The following MSRB3 variants were observed in gnomAD, a reference collection of about 807,000 sequenced individuals.
MSRB3 encodes the protein methionine sulfoxide reductase B3, also known as methionine-R-sulfoxide reductase B3.
MSRB3 carries 13 observed loss-of-function variants against 21.0 expected under a neutral mutation model. The ratio of observed to expected loss-of-function variants is 0.62; its 90% CI spans 0.40 to 0.98. MSRB3 has a LOEUF of 0.98. MSRB3 is among the 50% of genes least tolerant of loss of function. MSRB3 has a pLI of 0.00. For missense variants in MSRB3, 199 were observed against 230.3 expected (o/e 0.86, Z 0.88); for synonymous variants, 87 against 88.6 (o/e 0.98, Z 0.10).
intron 5 of MSRB3, among the ~76,000 whole-genome samples, chr12:65,403,445 C>T (rs1880241157): frequency 1.3e-5 from 2 of 152,108 alleles, no homozygotes; most frequent in Non-Finnish European, 2.9e-5. Flanking sequence ...TAATGGTGGA[C>T]GCCCCTCCCC....
intron 1 of MSRB3, among the ~76,000 whole-genome samples, chr12:65,294,649 A>G (rs1872848848): frequency 6.6e-6 from 1 of 152,102 alleles, no homozygotes; most frequent in Non-Finnish European, 1.5e-5. Context: ...CTTCTAGGCC[A>G]TTTTTTTGTA....
rs1170532009 is a variant in MSRB3, at chr12:65,278,785, C to CT, written c.-132_-131insT. 2 of 1,573,694 alleles carry CT rather than the reference C, an allele frequency of 1.3e-6. No homozygotes were observed. Among genetic ancestry groups the CT allele is most frequent in the Non-Finnish European group, 1.7e-6 (2 of 1,160,592 alleles). On this transcript the variant is annotated 5_prime_UTR_variant, in exon 1 of 7. It removes the in-frame stop codon of an upstream open reading frame in the 5' UTR. Transcript: ENST00000308259. ...GGCCTTTCCATGAGCCCGCGGCGGA[C>CT]CCTCCCGCGCCCCCTCTCGCTCTGC...
intron 2 of MSRB3, among the ~76,000 whole-genome samples, chr12:65,314,902 A>G (rs188947473): frequency 6.6e-6 from 1 of 152,320 alleles, no homozygotes; most frequent in East Asian, 1.9e-4. Flanking sequence ...CATATAGGCA[A>G]TTAGATGCTT....
intron 2 of MSRB3, among the ~76,000 whole-genome samples, chr12:65,324,253 G>A (rs942784107): frequency 6.6e-6 from 1 of 152,150 alleles, no homozygotes; most frequent in African/African-American, 2.4e-5. Flanking sequence ...TACAAAATTT[G>A]TGTGAATACT....
At position 65,463,195 on chromosome 12, in the gene MSRB3, G is replaced by T; in HGVS notation, c.431G>T (p.Arg144Leu). The change falls in exon 7 of 7, where the codon CGT (arginine) becomes CTT (leucine). Residue 144 changes from arginine to leucine, a missense_variant. Arg to Leu is a moderately radical substitution (Grantham distance 102). Transcript: ENST00000308259. ...GGGCACATTTTTGATGATGGGCCTC[G>T]TCCAACTGGGAAAAGATACTGCATA... ...HLGHIFDDGPRPTGKRYCINS... is the reference protein window; with the variant it reads ...HLGHIFDDGPLPTGKRYCINS... 2 of 1,614,128 alleles carry T rather than the reference G, an allele frequency of 1.2e-6. No homozygotes were observed. Among genetic ancestry groups the T allele is most frequent in the South Asian group, 2.2e-5 (2 of 91,086 alleles).
intron 5 of MSRB3, among the ~76,000 whole-genome samples, chr12:65,408,391 C>CT (rs1381601895): frequency 3.3e-5 from 5 of 152,162 alleles, no homozygotes; most frequent in African/African-American, 1.2e-4. Flanking sequence ...CCGGCCTTAT[C>CT]TTTTTTGTTG....
At chr12:65,407,717 C>G (rs1880492042) in intron 5 of MSRB3, among the ~76,000 whole-genome samples, 1 of 152,104 alleles carries the variant, frequency 6.6e-6, no homozygotes, top group South Asian at 2.1e-4. Context: ...TCCCACAGTT[C>G]TTAGATATTC....
intron 2 of MSRB3, among the ~76,000 whole-genome samples, chr12:65,318,633 C>T (rs1029739132): frequency 6.6e-6 from 1 of 152,136 alleles, no homozygotes; most frequent in East Asian, 1.9e-4. Flanking sequence ...GTGACTTTCT[C>T]TTCCACTGTT....
At chr12:65,445,433 T>A (rs1253352270) in intron 5 of MSRB3, among the ~76,000 whole-genome samples, 1 of 149,574 alleles carries the variant, frequency 6.7e-6, no homozygotes, top group Admixed American at 6.8e-5. Context: ...AGAATGCCCC[T>A]GGCAGCAGTG....
intron 1 of MSRB3, chr12:65,286,306 T>C (rs1488195670): frequency 6.6e-6 from 1 of 152,172 alleles, no homozygotes; most frequent in East Asian, 1.9e-4. Context: ...TAGCGGAAAT[T>C]TTGGAATGAC....
intron 1 of MSRB3, among the ~76,000 whole-genome samples, chr12:65,291,071 G>A (rs1345457894): frequency 6.6e-6 from 1 of 151,616 alleles, no homozygotes; most frequent in Middle Eastern, 3.2e-3. Context: ...CTTTTTTCCT[G>A]TATTCTGTGG....
intron 5 of MSRB3, among the ~76,000 whole-genome samples, chr12:65,400,014 T>C (rs1880031561): frequency 6.6e-6 from 1 of 152,216 alleles, no homozygotes; most frequent in Non-Finnish European, 1.5e-5. Context: ...CAGTATTTTA[T>C]TGAGGATTTT....
chr12:65,359,072 A>G lies in MSRB3; in HGVS notation c.264-9926A>G, dbSNP rs530542212. On this transcript the variant is annotated intron_variant, in intron 4 of 6. Coordinates refer to ENST00000308259, the MANE Select transcript of MSRB3 (RefSeq NM_001031679.3). ...ATTACCTTCCTTACTAAAAGGAATA[A>G]TGTAATGATCAATTTTATAACTTAT... is the stretch of plus-strand genomic sequence containing the variant. Among the ~76,000 whole-genome samples the G allele has an allele frequency of 6.0e-4, 92 of 152,122 alleles. No individual in the cohort carries two copies. The South Asian group carries it at 7.1e-3, about 12-fold the overall frequency.
intron 5 of MSRB3, among the ~76,000 whole-genome samples, chr12:65,386,996 T>C (rs1427101332): frequency 6.6e-6 from 1 of 152,036 alleles, no homozygotes; most frequent in Non-Finnish European, 1.5e-5. Flanking sequence ...TCCTGATATT[T>C]CTTGGTCTTA....
At chr12:65,285,456 A>C (rs1452600122) in intron 1 of MSRB3, 1 of 152,200 alleles carries the variant, frequency 6.6e-6, no homozygotes, top group African/African-American at 2.4e-5. Flanking sequence ...AATGTATTTT[A>C]TGAGAGGGCT....
intron 5 of MSRB3, among the ~76,000 whole-genome samples, chr12:65,425,458 A>G (rs1341762329): frequency 6.6e-6 from 1 of 151,864 alleles, no homozygotes; most frequent in Non-Finnish European, 1.5e-5. Flanking sequence ...TTCCTTTGTA[A>G]GTGGATCATT....
intron 5 of MSRB3, among the ~76,000 whole-genome samples, chr12:65,411,247 C>T (rs1276888231): frequency 1.3e-5 from 2 of 152,064 alleles, no homozygotes; most frequent in Non-Finnish European, 2.9e-5. Flanking sequence ...CCATGAAGAC[C>T]TTACTTATTT....
chr12:65,396,048 A>G (rs1879761398), intron 5 of MSRB3, among the ~76,000 whole-genome samples: 1 of 151,686 alleles, frequency 6.6e-6, no homozygotes, highest in African/African-American at 2.4e-5. Context: ...CTTACTGTAG[A>G]TTGTTTGCTG....
intron 6 of MSRB3, among the ~76,000 whole-genome samples, chr12:65,457,852 GTTTTA>G (rs1883161060): frequency 6.6e-6 from 1 of 151,800 alleles, no homozygotes; most frequent in African/African-American, 2.4e-5. Flanking sequence ...TTTTTTAAGA[GTTTTA>G]TTTTATTATT....
Sources: allele counts gnomAD v4.1 joint callset (sites outside exome capture counted in the v4.1 genomes callset), GRCh38; gene constraint gnomAD v4.1.1; transcripts MANE v1.5; gene names NCBI Gene and HGNC (gene_info 2026-07-23, HGNC 2026-07-21).